The following PTTG1IP variants were observed in gnomAD, a reference collection of about 807,000 sequenced individuals.
PTTG1IP encodes PTTG1 interacting protein.
In PTTG1IP, 16 loss-of-function variants were observed where a neutral mutation model predicts 24.4. The observed-to-expected ratio is 0.66, with a 90% CI of 0.44 to 1.00. The LOEUF is 1.00. Among genes scored for constraint, PTTG1IP ranks in the 50% least tolerant of loss-of-function variants. The probability of loss-of-function intolerance (pLI) is 0.00; values close to 1 mark genes in which losing one functional copy is unlikely to be tolerated. For missense variants in PTTG1IP, 241 were observed against 245.8 expected (o/e 0.98, Z 0.13); for synonymous variants, 89 against 96.8 (o/e 0.92, Z 0.47).
intron 2 of PTTG1IP, among the ~76,000 whole-genome samples, chr21:44,864,700 T>C (rs2083521375): frequency 6.6e-6 from 1 of 152,206 alleles, no homozygotes; most frequent in African/African-American, 2.4e-5. Flanking sequence ...CCCAGCCCTG[T>C]TCACACGTCT....
chr21:44,859,239 T>C (rs2083472124), intron 3 of PTTG1IP, among the ~76,000 whole-genome samples: 1 of 152,154 alleles, frequency 6.6e-6, no homozygotes, highest in Non-Finnish European at 1.5e-5. Context: ...ACCAGTAACA[T>C]TAATCTGTGG....
chr21:44,858,150 G>T (rs1386470770), intron 3 of PTTG1IP, among the ~76,000 whole-genome samples: 1 of 152,204 alleles, frequency 6.6e-6, no homozygotes, highest in Non-Finnish European at 1.5e-5. Context: ...TGAAAGAGAG[G>T]CATCTTTGCC....
At chr21:44,856,767 G>A (rs2083452711) in intron 3 of PTTG1IP, among the ~76,000 whole-genome samples, 1 of 152,230 alleles carries the variant, frequency 6.6e-6, no homozygotes, top group Non-Finnish European at 1.5e-5. Context: ...AGAAATGGAG[G>A]TTAAGCCTGA....
At chr21:44,860,864 C>A (rs1409730048) in intron 3 of PTTG1IP, among the ~76,000 whole-genome samples, 1 of 152,106 alleles carries the variant, frequency 6.6e-6, no homozygotes, top group East Asian at 1.9e-4. Flanking sequence ...AGTGCAGTGG[C>A]ACGATCTCGG....
rs9980711 is a variant in PTTG1IP, at chr21:44,858,379, C to G, written c.278-2015G>C. 1.9e-3 allele frequency among the ~76,000 whole-genome samples: 295 copies of G among 152,336 alleles called. 2 individuals are homozygous for G. Among genetic ancestry groups the G allele is most frequent in the African/African-American group, 6.6e-3 (275 of 41,576 alleles). ...TGAAATCAGGAGGGCCCTGAGGGCC[C>G]GGCCACAACTGCTCCTCCCCACTCT... On this transcript the variant is annotated intron_variant, in intron 3 of 5. Transcript: ENST00000330938.
At chr21:44,871,377 C>T (rs888032194) in intron 1 of PTTG1IP, among the ~76,000 whole-genome samples, 1 of 152,098 alleles carries the variant, frequency 6.6e-6, no homozygotes, top group Non-Finnish European at 1.5e-5. Flanking sequence ...TTTTTGGGGT[C>T]GTCTTTCCTC....
chr21:44,867,371 C>T (rs1056808293), intron 1 of PTTG1IP, among the ~76,000 whole-genome samples: 2 of 151,350 alleles, frequency 1.3e-5, no homozygotes, highest in Non-Finnish European at 2.9e-5. Context: ...GTGGCTATGC[C>T]GCTCTAGAAA....
chr21:44,850,973 A>C lies in PTTG1IP; in HGVS notation c.*608T>G, dbSNP rs150204047. On this transcript the variant is annotated 3_prime_UTR_variant, in exon 6 of 6. Transcript: ENST00000330938. ...GGAAAATCCAATAAATTTTTTTAAA[A>C]AGGTTTAGCTATTCCCCAATGCTAT... 1,791 of 163,168 alleles carry C rather than the reference A, an allele frequency of 0.011. 31 individuals carry two copies. Among genetic ancestry groups the C allele is most frequent in the African/African-American group, 0.035 (1,456 of 42,068 alleles). 10.1% of individuals were successfully genotyped at this position (163,168 alleles called of 1,614,324 possible).
At position 44,864,708 on chromosome 21, in the gene PTTG1IP, T is replaced by A. The variant is rs149574064; in HGVS notation, c.168+687A>T. ...CACTGCACCCAGCCCTGTTCACACG[T>A]CTTTAACAAGACCTGCACTGTGATG... On this transcript the variant is annotated intron_variant, in intron 2 of 5. Transcript: ENST00000330938. 2.0e-5 allele frequency among the ~76,000 whole-genome samples: 3 copies of A among 152,326 alleles called. No individual in the cohort carries two copies. The East Asian group carries it at 5.8e-4, about 29-fold the overall frequency.
At chr21:44,855,140 A>T in intron 5 of PTTG1IP, 70 bp downstream of exon 5, 1 of 1,484,606 alleles carries the variant, frequency 6.7e-7, no homozygotes, top group Non-Finnish European at 9.4e-7. Flanking sequence ...CCACACTGGC[A>T]CTAACGAGGA....
At chr21:44,864,148 G>C (rs2083515923) in intron 2 of PTTG1IP, among the ~76,000 whole-genome samples, 1 of 152,232 alleles carries the variant, frequency 6.6e-6, no homozygotes, top group African/African-American at 2.4e-5. Context: ...GAAGGGGCAA[G>C]GGGTGGGCGA....
chr21:44,855,366 CT>C (rs1302443399), intron 4 of PTTG1IP, 110 bp from the exon 5 acceptor site: 2 of 1,181,880 alleles, frequency 1.7e-6, no homozygotes, highest in African/African-American at 3.0e-5. Context: ...CTTCTGGTGG[CT>C]TCCCTCCAGT....
At chr21:44,873,270 A>T (rs1312548504) in intron 1 of PTTG1IP, among the ~76,000 whole-genome samples, 2 of 151,416 alleles carry the variant, frequency 1.3e-5, no homozygotes, top group African/African-American at 4.9e-5. Flanking sequence ...CAAAACAAAG[A>T]CAAAGACAAA....
intron 1 of PTTG1IP, among the ~76,000 whole-genome samples, chr21:44,871,201 A>G (rs2083582113): frequency 6.6e-6 from 1 of 152,224 alleles, no homozygotes. Flanking sequence ...AACCCTATGT[A>G]CACTGTAGCA....
At chr21:44,853,507 CAAAAAAAAAA>C (rs35396285) in intron 5 of PTTG1IP, among the ~76,000 whole-genome samples, 1 of 94,818 alleles carries the variant, frequency 1.1e-5, no homozygotes, top group African/African-American at 4.1e-5. Context: ...GACTCCGTCT[CAAAAAAAAAA>C]AAAAAAAAAA....
At chr21:44,861,428 G>C (rs1247054495) in intron 2 of PTTG1IP, among the ~76,000 whole-genome samples, 157 bp from the exon 3 acceptor site, 1 of 152,146 alleles carries the variant, frequency 6.6e-6, no homozygotes, top group Non-Finnish European at 1.5e-5. Flanking sequence ...TTCACCCTCA[G>C]CGCCCTTCGG....
At position 44,861,233 on chromosome 21, in the gene PTTG1IP, G is replaced by A; in HGVS notation, c.207C>T (p.Tyr69=). 3.1e-6 allele frequency: 5 copies of A among 1,614,092 alleles called. No individual in the cohort carries two copies. Among genetic ancestry groups the A allele is most frequent in the Non-Finnish European group, 1.7e-6 (2 of 1,179,958 alleles). Residue 69 remains tyrosine (Y), a synonymous_variant, in exon 3 of 6, where the codon TAC becomes TAT. Transcript: ENST00000330938. ...CCGGTGGCAAGACGCTTGTAACTGG[G>A]TAGTCCAGACAAGCCTTGTTAGTGT... is the stretch of plus-strand genomic sequence containing the variant. The part of the protein sequence containing the change: ...WCNTNKACLD[Y]PVTSVLPPAS...
intron 2 of PTTG1IP, among the ~76,000 whole-genome samples, chr21:44,863,014 C>T (rs2083504105): frequency 6.6e-6 from 1 of 152,272 alleles, no homozygotes; most frequent in East Asian, 1.9e-4. Flanking sequence ...CTTTTCTGAT[C>T]GATGAAGTAA....
At chr21:44,871,547 A>G (rs1371744012) in intron 1 of PTTG1IP, among the ~76,000 whole-genome samples, 2 of 152,234 alleles carry the variant, frequency 1.3e-5, no homozygotes, top group Admixed American at 6.5e-5. Flanking sequence ...AAGATGCTTA[A>G]AAGTGTTGGA....
Sources: allele counts gnomAD v4.1 joint callset (sites outside exome capture counted in the v4.1 genomes callset), GRCh38; gene constraint gnomAD v4.1.1; transcripts MANE v1.5; gene names NCBI Gene and HGNC (gene_info 2026-07-23, HGNC 2026-07-21).